The following ARB2A variants were observed in gnomAD, a reference collection of about 807,000 sequenced individuals.
ARB2A encodes cotranscriptional regulator ARB2A.
chr5:93,636,711 C>T, the ARB2A span, among the ~76,000 whole-genome samples: 1 of 152,242 alleles, frequency 6.6e-6, no homozygotes, highest in African/African-American at 2.4e-5. Context: ...TGTTATAGCA[C>T]ACTGAGTTTT....
chr5:93,790,190 G>A, the ARB2A span, among the ~76,000 whole-genome samples: 3 of 152,116 alleles, frequency 2.0e-5, no homozygotes, highest in Admixed American at 6.6e-5. Flanking sequence ...ACAAATCCCC[G>A]TAAGTCATAG....
the ARB2A span, chr5:93,734,554 A>C: frequency 6.6e-6 from 1 of 152,222 alleles, no homozygotes; most frequent in South Asian, 2.1e-4. Flanking sequence ...CAGATTAAAA[A>C]TACTTGCCTT....
At chr5:93,804,012 T>C in the ARB2A span, among the ~76,000 whole-genome samples, 81 of 152,102 alleles carry the variant, frequency 5.3e-4, 4 homozygotes, top group East Asian at 0.012. Flanking sequence ...TTGTAACCCA[T>C]GTACTCTATT....
the ARB2A span, among the ~76,000 whole-genome samples, chr5:93,655,700 C>A: frequency 6.6e-6 from 1 of 152,096 alleles, no homozygotes; most frequent in African/African-American, 2.4e-5. Context: ...CTCTGCAGTA[C>A]AAAGACTGTA....
At chr5:93,770,785 T>G in the ARB2A span, among the ~76,000 whole-genome samples, 1 of 152,094 alleles carries the variant, frequency 6.6e-6, no homozygotes, top group African/African-American at 2.4e-5. Flanking sequence ...TACAAAACAC[T>G]GCTCAATGAA....
chr5:93,846,931 C>A, the ARB2A span, among the ~76,000 whole-genome samples: 1 of 152,152 alleles, frequency 6.6e-6, no homozygotes, highest in African/African-American at 2.4e-5. Context: ...TGAAAGATTT[C>A]TCTGTAGTAT....
the ARB2A span, among the ~76,000 whole-genome samples, chr5:93,936,940 G>GTTT: frequency 6.0e-5 from 8 of 133,572 alleles, no homozygotes; most frequent in East Asian, 2.1e-4. Flanking sequence ...AATTATAAAG[G>GTTT]TTTTTTTTTT....
At chr5:93,957,795 A>G in the ARB2A span, among the ~76,000 whole-genome samples, 1 of 152,046 alleles carries the variant, frequency 6.6e-6, no homozygotes, top group African/African-American at 2.4e-5. Flanking sequence ...GACTTTTGTA[A>G]TCATCAGCGT....
chr5:93,914,869 T>C, the ARB2A span, among the ~76,000 whole-genome samples: 1 of 151,952 alleles, frequency 6.6e-6, no homozygotes, highest in Non-Finnish European at 1.5e-5. Flanking sequence ...CTCCCTCATA[T>C]AATGCTGCTT....
At chr5:93,899,460 A>G in the ARB2A span, among the ~76,000 whole-genome samples, 1 of 152,050 alleles carries the variant, frequency 6.6e-6, no homozygotes, top group East Asian at 1.9e-4. Flanking sequence ...GTTTAGGCTT[A>G]AAAAAAATTT....
chr5:94,014,924 G>C, the ARB2A span, among the ~76,000 whole-genome samples: 1 of 149,902 alleles, frequency 6.7e-6, no homozygotes, highest in African/African-American at 2.5e-5. Context: ...CCAAATCTAA[G>C]GATTATTGGT....
chr5:93,769,450 T>C, the ARB2A span, among the ~76,000 whole-genome samples: 1 of 152,182 alleles, frequency 6.6e-6, no homozygotes, highest in African/African-American at 2.4e-5. Context: ...TTGTTTCTAT[T>C]TGAATTTCCT....
chr5:93,720,683 A>G, the ARB2A span, among the ~76,000 whole-genome samples: 1 of 152,232 alleles, frequency 6.6e-6, no homozygotes, highest in Non-Finnish European at 1.5e-5. Flanking sequence ...TAAGGTAGTG[A>G]GTTGGTTAAA....
chr5:93,832,891 G>T, the ARB2A span, among the ~76,000 whole-genome samples: 2 of 152,130 alleles, frequency 1.3e-5, no homozygotes, highest in Non-Finnish European at 1.5e-5. Flanking sequence ...CTTCCAGGGG[G>T]AAGAGCCAGA....
At chr5:94,101,539 T>C in the ARB2A span, among the ~76,000 whole-genome samples, 1 of 152,096 alleles carries the variant, frequency 6.6e-6, no homozygotes, top group Non-Finnish European at 1.5e-5. Flanking sequence ...GGAATCAACC[T>C]AAATGCCCAT....
At chr5:93,726,317 C>T in the ARB2A span, among the ~76,000 whole-genome samples, 1 of 151,972 alleles carries the variant, frequency 6.6e-6, no homozygotes, top group Admixed American at 6.6e-5. Flanking sequence ...ACTATAATAC[C>T]ATGCCCTACC....
the ARB2A span, among the ~76,000 whole-genome samples, chr5:93,938,565 A>T: frequency 1.3e-5 from 2 of 152,210 alleles, no homozygotes; most frequent in Non-Finnish European, 2.9e-5. Context: ...GCAAGCATGA[A>T]AAAGCAACAG....
the ARB2A span, among the ~76,000 whole-genome samples, chr5:93,637,895 T>C: frequency 6.6e-6 from 1 of 152,350 alleles, no homozygotes; most frequent in East Asian, 1.9e-4. Context: ...TGGACTGTAT[T>C]GCATCAGCTT....
chr5:94,111,230 C>T, the ARB2A span, among the ~76,000 whole-genome samples: 2 of 152,176 alleles, frequency 1.3e-5, no homozygotes, highest in East Asian at 1.9e-4. Flanking sequence ...TACTCTGTCT[C>T]CAGGGACTCC....
Sources: allele counts gnomAD v4.1 joint callset (sites outside exome capture counted in the v4.1 genomes callset), GRCh38; gene constraint gnomAD v4.1.1; transcripts MANE v1.5; gene names NCBI Gene and HGNC (gene_info 2026-07-23, HGNC 2026-07-21).